The following HMGB1 variants were observed in gnomAD, a reference collection of about 807,000 sequenced individuals.
The protein encoded by HMGB1 is high mobility group protein B1.
For synonymous variants in HMGB1, 81 were observed against 84.0 expected (o/e 0.96, Z 0.19); for missense variants, 79 against 253.5 (o/e 0.31, Z 4.67).
intron 1 of HMGB1, among the ~76,000 whole-genome samples, chr13:30,488,039 T>C (rs911546198): frequency 2.6e-5 from 4 of 152,258 alleles, no homozygotes; most frequent in Non-Finnish European, 4.4e-5. Context: ...AGCCTGCACT[T>C]AGAAAAGAAA....
chr13:30,613,795 C>T (rs1461589828), intron 1 of HMGB1, among the ~76,000 whole-genome samples: 5 of 151,878 alleles, frequency 3.3e-5, no homozygotes, highest in Admixed American at 2.6e-4. Context: ...TAGACAGGAC[C>T]CAGCCGTACC....
At chr13:30,564,598 TTATGAA>T (rs1870109802) in intron 1 of HMGB1, among the ~76,000 whole-genome samples, 1 of 152,242 alleles carries the variant, frequency 6.6e-6, no homozygotes, top group African/African-American at 2.4e-5. Context: ...CACTTCTGTC[TTATGAA>T]AGGTTCTGCT....
intron 1 of HMGB1, among the ~76,000 whole-genome samples, chr13:30,556,117 C>T (rs1869674801): frequency 6.6e-6 from 1 of 152,182 alleles, no homozygotes; most frequent in Admixed American, 6.6e-5. Flanking sequence ...TGAAACAAGT[C>T]ATTGAGGCTG....
At chr13:30,462,365 T>G in intron 4 of HMGB1, 173 bp downstream of exon 4, 1 of 718,148 alleles carries the variant, frequency 1.4e-6, no homozygotes, top group Non-Finnish European at 2.6e-6. Context: ...TACATTTTAG[T>G]CAAAAAAACC....
At chr13:30,580,435 C>T (rs1593324386) in intron 1 of HMGB1, among the ~76,000 whole-genome samples, 3 of 152,186 alleles carry the variant, frequency 2.0e-5, no homozygotes, top group Non-Finnish European at 2.9e-5. Context: ...TCACCTTGGG[C>T]TCACAGTTAG....
intron 1 of HMGB1, among the ~76,000 whole-genome samples, chr13:30,538,869 T>C (rs1868723865): frequency 6.6e-6 from 1 of 150,694 alleles, no homozygotes; most frequent in African/African-American, 2.4e-5. Flanking sequence ...AACACCCCCA[T>C]GGACATAAAA....
chr13:30,490,240 C>T (rs1887456062), intron 1 of HMGB1, among the ~76,000 whole-genome samples: 1 of 152,018 alleles, frequency 6.6e-6, no homozygotes, highest in African/African-American at 2.4e-5. Flanking sequence ...CAAGTCTGAA[C>T]CGAGGTTTTA....
intron 1 of HMGB1, among the ~76,000 whole-genome samples, chr13:30,474,965 T>TGG (rs1887044985): frequency 7.7e-6 from 1 of 129,114 alleles, no homozygotes; most frequent in Non-Finnish European, 1.6e-5. Context: ...TTTTGTTTTT[T>TGG]TTTTTTTTTT....
chr13:30,592,189 T>G lies in HMGB1; in HGVS notation c.-15+24482A>C, dbSNP rs149264609. Reference sequence around the variant, plus strand: ...CCACAAAATTAAAAAAAAAACATTTTCCCCTATATTACATTCATGGATCTT... The same window carrying G: ...CCACAAAATTAAAAAAAAAACATTTGCCCCTATATTACATTCATGGATCTT... On this transcript the variant is annotated intron_variant, in intron 1 of 4. Transcript: ENST00000405805. Among the ~76,000 whole-genome samples, 356 of 152,134 alleles carry G rather than the reference T, an allele frequency of 2.3e-3. 1 individual carries two copies. Among genetic ancestry groups the G allele is most frequent in the Non-Finnish European group, 3.0e-3 (207 of 67,996 alleles).
At chr13:30,536,256 A>G (rs1468225287) in intron 1 of HMGB1, among the ~76,000 whole-genome samples, 1 of 152,262 alleles carries the variant, frequency 6.6e-6, no homozygotes, top group Non-Finnish European at 1.5e-5. Context: ...TATATAAAAC[A>G]TAATATTGAC....
At chr13:30,587,048 A>G (rs1238626097) in intron 1 of HMGB1, among the ~76,000 whole-genome samples, 1 of 152,180 alleles carries the variant, frequency 6.6e-6, no homozygotes, top group East Asian at 1.9e-4. Flanking sequence ...TTTACTTTGT[A>G]GGATTATTAT....
chr13:30,567,146 G>A (rs772747177), intron 1 of HMGB1, among the ~76,000 whole-genome samples: 2 of 152,156 alleles, frequency 1.3e-5, no homozygotes, highest in African/African-American at 2.4e-5. Context: ...CAGGCAAATT[G>A]CCCTGGTATT....
At chr13:30,610,384 A>G (rs894705808) in intron 1 of HMGB1, among the ~76,000 whole-genome samples, 3 of 152,232 alleles carry the variant, frequency 2.0e-5, no homozygotes, top group African/African-American at 7.2e-5. Flanking sequence ...AAGGAAAGAG[A>G]AAACAGAATT....
chr13:30,597,654 C>A (rs539773503), intron 1 of HMGB1, among the ~76,000 whole-genome samples: 1 of 152,310 alleles, frequency 6.6e-6, no homozygotes, highest in East Asian at 1.9e-4. Context: ...CCTCTATAAT[C>A]CTCTATACTT....
chr13:30,608,447 C>A (rs1435143973), intron 1 of HMGB1, among the ~76,000 whole-genome samples: 1 of 152,142 alleles, frequency 6.6e-6, no homozygotes, highest in Non-Finnish European at 1.5e-5. Context: ...CTGTTGAGGG[C>A]ATGAGGAAAG....
chr13:30,605,155 C>T (rs369643288), intron 1 of HMGB1, among the ~76,000 whole-genome samples: 2 of 152,108 alleles, frequency 1.3e-5, no homozygotes, highest in Non-Finnish European at 2.9e-5. Context: ...GCAGAAGAGA[C>T]TGATGGGACC....
chr13:30,561,063 A>G (rs1160224061), intron 1 of HMGB1, among the ~76,000 whole-genome samples: 4 of 151,838 alleles, frequency 2.6e-5, no homozygotes, highest in Non-Finnish European at 5.9e-5. Flanking sequence ...GGAGCCAGGT[A>G]CCCCCTGGAT....
At chr13:30,497,445 G>GTTTTTT (rs386378693) in intron 1 of HMGB1, among the ~76,000 whole-genome samples, 1,545 of 147,670 alleles carry the variant, frequency 0.01, 12 homozygotes, top group Middle Eastern at 0.032. Context: ...TGGCCAGGCT[G>GTTTTTT]TTTTTTTTTT....
intron 1 of HMGB1, 49 bp from the exon 2 acceptor site, chr13:30,463,743 T>TAAGA (rs1886509457): frequency 8.0e-7 from 1 of 1,247,750 alleles, no homozygotes; most frequent in Admixed American, 2.1e-5. Context: ...TTATGACATA[T>TAAGA]AAGACCTTAA....
Sources: gnomAD v4.1 joint callset for allele counts (sites outside exome capture counted in the v4.1 genomes callset) on GRCh38, gnomAD v4.1.1 for gene constraint, MANE v1.5 for transcripts, NCBI Gene and HGNC (gene_info 2026-07-23, HGNC 2026-07-21) for gene names.